GAP43: variants seen among roughly 807,000 people sequenced by gnomAD.
GAP43 encodes the protein neuromodulin.
Under a neutral mutation model 18.6 loss-of-function variants are expected in GAP43, and 6 were observed. The observed-to-expected ratio is 0.32, with a 90% CI of 0.18 to 0.64. The LOEUF is 0.64. Ranked by LOEUF, GAP43 falls within the 30% of genes least tolerant of loss-of-function variation. The probability of loss-of-function intolerance (pLI) is 0.78; values close to 1 mark genes in which losing one functional copy is unlikely to be tolerated. For synonymous variants in GAP43, 115 were observed against 111.4 expected, an observed-to-expected ratio of 1.03 and a Z score of -0.20; for missense variants, 292 against 295.5, an observed-to-expected ratio of 0.99 and a Z score of 0.09.
chr3:115,704,037 C>A (rs1016725793), intron 2 of GAP43, among the ~76,000 whole-genome samples: 2 of 152,036 alleles, frequency 1.3e-5, no homozygotes, highest in Admixed American at 6.6e-5. Context: ...ATTTGACAGG[C>A]CCCAGGAAGC....
intron 1 of GAP43, among the ~76,000 whole-genome samples, chr3:115,653,102 A>G (rs778124230): frequency 1.3e-5 from 2 of 152,194 alleles, no homozygotes; most frequent in Non-Finnish European, 2.9e-5. Flanking sequence ...ATCTGGGAGA[A>G]TACTGACAAC....
At chr3:115,683,139 GCGCGCGCGCACACACACA>G (rs1325602002) in intron 2 of GAP43, among the ~76,000 whole-genome samples, 11 of 126,204 alleles carry the variant, frequency 8.7e-5, no homozygotes, top group African/African-American at 3.4e-4. Context: ...GCGCGTGCGC[GCGCGCGCGCACACACACA>G]CACACACACA....
At chr3:115,708,940 G>GTTTTTTTTTTT (rs3086974) in intron 2 of GAP43, among the ~76,000 whole-genome samples, 1 of 99,804 alleles carries the variant, frequency 1.0e-5, no homozygotes, top group Non-Finnish European at 1.9e-5. Context: ...AACTGGCTGG[G>GTTTTTTTTTTT]TTTTTTTTTT....
chr3:115,638,964 C>T (rs1708362270), intron 1 of GAP43, among the ~76,000 whole-genome samples: 1 of 152,016 alleles, frequency 6.6e-6, no homozygotes, highest in Non-Finnish European at 1.5e-5. Context: ...CCAGGAGCTC[C>T]TTTCAGGTAG....
At chr3:115,657,205 AAG>A (rs1337739921) in intron 1 of GAP43, among the ~76,000 whole-genome samples, 3 of 152,178 alleles carry the variant, frequency 2.0e-5, no homozygotes, top group African/African-American at 7.2e-5. Flanking sequence ...AAGAGAATAA[AAG>A]AGGAAATGAG....
At chr3:115,642,258 C>T (rs1708406448) in intron 1 of GAP43, among the ~76,000 whole-genome samples, 1 of 152,024 alleles carries the variant, frequency 6.6e-6, no homozygotes. Context: ...TCTTACTCAT[C>T]TTATTTTTCA....
chr3:115,638,551 AT>A (rs34887539), intron 1 of GAP43, among the ~76,000 whole-genome samples: 2 of 147,398 alleles, frequency 1.4e-5, no homozygotes, highest in African/African-American at 5.0e-5. Flanking sequence ...TCTCAATCTG[AT>A]TTTTTTTAAA....
chr3:115,663,493 C>T, intron 1 of GAP43: 2 of 1,165,514 alleles, frequency 1.7e-6, no homozygotes, highest in Non-Finnish European at 2.1e-6. Flanking sequence ...TTTCCCTGCT[C>T]TCTGATATTT....
At chr3:115,653,151 G>A (rs1708542025) in intron 1 of GAP43, among the ~76,000 whole-genome samples, 1 of 152,040 alleles carries the variant, frequency 6.6e-6, no homozygotes, top group Non-Finnish European at 1.5e-5. Context: ...CAAAATATGA[G>A]GTACTGGGCT....
chr3:115,690,694 C>T (rs1364894744), intron 2 of GAP43, among the ~76,000 whole-genome samples: 4 of 150,142 alleles, frequency 2.7e-5, no homozygotes, highest in African/African-American at 9.8e-5. Context: ...TTTTGATCCT[C>T]ATACTCTCCT....
intron 2 of GAP43, among the ~76,000 whole-genome samples, chr3:115,680,647 A>T (rs1708949305): frequency 6.6e-6 from 1 of 152,198 alleles, no homozygotes; most frequent in Non-Finnish European, 1.5e-5. Context: ...ACAAAATATG[A>T]ATGAGGCAGT....
chr3:115,651,586 A>G (rs1708518759), intron 1 of GAP43, among the ~76,000 whole-genome samples: 1 of 152,114 alleles, frequency 6.6e-6, no homozygotes, highest in Non-Finnish European at 1.5e-5. Flanking sequence ...GCTGCATTCC[A>G]TTTTATTTAC....
intron 1 of GAP43, among the ~76,000 whole-genome samples, chr3:115,640,139 A>G (rs552468327): frequency 6.6e-6 from 1 of 152,252 alleles, no homozygotes; most frequent in Non-Finnish European, 1.5e-5. Flanking sequence ...TCAAAAATAA[A>G]ATTTAGGAAG....
chr3:115,654,766 T>C lies in GAP43; in HGVS notation c.31-21247T>C, dbSNP rs533780413. Among the ~76,000 whole-genome samples the C allele has an allele frequency of 2.6e-5, 4 of 152,332 alleles. No homozygotes were observed. The East Asian group carries it at 7.7e-4, about 29-fold the overall frequency. On this transcript the variant is annotated intron_variant, in intron 1 of 2. Coordinates refer to ENST00000305124, the MANE Select transcript of GAP43 (RefSeq NM_002045.4). ...GCATCATGATAATTATATCCACTGC[T>C]GCAAAGAACAGATGTGTAAATTGGT...
chr3:115,627,811 G>A (rs1232985605), intron 1 of GAP43, among the ~76,000 whole-genome samples: 1 of 152,154 alleles, frequency 6.6e-6, no homozygotes, highest in Non-Finnish European at 1.5e-5. Flanking sequence ...TTCAATTTGT[G>A]AAGTGTGGTC....
intron 1 of GAP43, among the ~76,000 whole-genome samples, chr3:115,669,892 A>G (rs532355170): frequency 3.3e-5 from 5 of 150,450 alleles, no homozygotes; most frequent in African/African-American, 9.8e-5. Context: ...CTCATACCCT[A>G]GGTATGAGGT....
intron 2 of GAP43, among the ~76,000 whole-genome samples, chr3:115,699,373 C>T (rs1709268745): frequency 1.3e-5 from 2 of 152,132 alleles, no homozygotes; most frequent in Admixed American, 6.6e-5. Flanking sequence ...TTCCTCTTCC[C>T]CCACCACTAC....
At chr3:115,709,672 T>C (rs1441091219) in intron 2 of GAP43, among the ~76,000 whole-genome samples, 1 of 152,190 alleles carries the variant, frequency 6.6e-6, no homozygotes, top group African/African-American at 2.4e-5. Context: ...TAAAGCACTT[T>C]TTCATTTTCA....
At chr3:115,636,155 T>G (rs1372989107) in intron 1 of GAP43, among the ~76,000 whole-genome samples, 1 of 152,086 alleles carries the variant, frequency 6.6e-6, no homozygotes, top group African/African-American at 2.4e-5. Flanking sequence ...AAAATATTAT[T>G]TTTCCTTTTA....
Sources: allele counts gnomAD v4.1 joint callset (sites outside exome capture counted in the v4.1 genomes callset), GRCh38; gene constraint gnomAD v4.1.1; transcripts MANE v1.5; gene names NCBI Gene and HGNC (gene_info 2026-07-23, HGNC 2026-07-21).